The following PRKCA variants were observed in gnomAD, a reference collection of about 807,000 sequenced individuals.
PRKCA encodes the protein protein kinase C alpha type.
In PRKCA, 27 loss-of-function variants were observed where a neutral mutation model predicts 87.0. That is an observed-to-expected ratio of 0.31 (90% CI 0.23 to 0.43). PRKCA has a LOEUF of 0.43. Among genes scored for constraint, PRKCA ranks in the 20% least tolerant of loss-of-function variants. PRKCA has a pLI of 1.00. For synonymous variants in PRKCA, 329 were observed against 311.1 expected (o/e 1.06, Z -0.61); for missense variants, 518 against 852.3 (o/e 0.61, Z 4.88).
intron 3 of PRKCA, among the ~76,000 whole-genome samples, chr17:66,633,885 A>T (rs1971085814): frequency 6.6e-6 from 1 of 152,250 alleles, no homozygotes; most frequent in South Asian, 2.1e-4. Flanking sequence ...TAGCTAGATT[A>T]GTCTCCAGCC....
chr17:66,506,149 A>G (rs1916966310), intron 3 of PRKCA, among the ~76,000 whole-genome samples: 1 of 152,138 alleles, frequency 6.6e-6, no homozygotes, highest in South Asian at 2.1e-4. Flanking sequence ...TACAAAATTT[A>G]GCCAGGCATG....
intron 16 of PRKCA, chr17:66,796,586 A>T (rs1486223172): frequency 1.1e-5 from 11 of 985,266 alleles, no homozygotes; most frequent in Non-Finnish European, 1.3e-5. Context: ...TGTGTTGGTC[A>T]TGCACGTAGC....
At chr17:66,398,518 G>A (rs1016498594) in intron 2 of PRKCA, among the ~76,000 whole-genome samples, 1 of 152,176 alleles carries the variant, frequency 6.6e-6, no homozygotes, top group African/African-American at 2.4e-5. Flanking sequence ...AGTGAGGAAG[G>A]CATTTTGGTG....
chr17:66,678,771 CATTT>C (rs1972407965), intron 5 of PRKCA, among the ~76,000 whole-genome samples: 1 of 151,980 alleles, frequency 6.6e-6, no homozygotes, highest in Non-Finnish European at 1.5e-5. Flanking sequence ...GTTTTAGATA[CATTT>C]ATGCTATTTT....
At chr17:66,660,431 A>C (rs1315995192) in intron 5 of PRKCA, among the ~76,000 whole-genome samples, 1 of 152,100 alleles carries the variant, frequency 6.6e-6, no homozygotes. Context: ...GGTGCCTGGA[A>C]TTTTCCTTGA....
chr17:66,429,007 G>A (rs1326498300), intron 2 of PRKCA, among the ~76,000 whole-genome samples: 1 of 152,212 alleles, frequency 6.6e-6, no homozygotes, highest in Non-Finnish European at 1.5e-5. Context: ...ATTTTTAAAT[G>A]TAGTTGGAAG....
intron 5 of PRKCA, among the ~76,000 whole-genome samples, chr17:66,653,855 C>G (rs1448801093): frequency 1.3e-5 from 2 of 150,212 alleles, no homozygotes; most frequent in Non-Finnish European, 1.5e-5. Flanking sequence ...AAACTACTTC[C>G]TTTAGTTTGT....
chr17:66,590,511 G>A (rs62071748), intron 3 of PRKCA, among the ~76,000 whole-genome samples: 22,964 of 152,142 alleles, frequency 0.15, 2,086 homozygotes, highest in African/African-American at 0.26. Context: ...TCCTCAGAGC[G>A]TGCACGAGGG....
intron 1 of PRKCA, among the ~76,000 whole-genome samples, chr17:66,305,262 G>A (rs112503903): frequency 1.3e-5 from 2 of 152,292 alleles, no homozygotes; most frequent in African/African-American, 4.8e-5. Flanking sequence ...TTTAGAGTTA[G>A]ATATGGTTTT....
chr17:66,580,088 T>C (rs866821178), intron 3 of PRKCA, among the ~76,000 whole-genome samples: 14 of 152,084 alleles, frequency 9.2e-5, no homozygotes, highest in African/African-American at 2.2e-4. Flanking sequence ...GGAGGGAAAA[T>C]AGTTACAAAG....
rs527303503 is a variant in PRKCA, at chr17:66,555,867, G to A, written c.288+59584G>A. ...ATTTAAGATGTGTGGAATCCAAGAA[G>A]TCACAAAAGGTATTTCATGTGTCAT... On this transcript the variant is annotated intron_variant, in intron 3 of 16. Transcript: ENST00000413366. Among the ~76,000 whole-genome samples the A allele has an allele frequency of 1.2e-4, 18 of 152,278 alleles. No homozygotes were observed. The East Asian group carries it at 3.5e-3, about 29-fold the overall frequency.
intron 3 of PRKCA, among the ~76,000 whole-genome samples, chr17:66,501,703 G>A (rs1916738893): frequency 6.6e-6 from 1 of 152,166 alleles, no homozygotes; most frequent in Non-Finnish European, 1.5e-5. Flanking sequence ...AGCATCCGAG[G>A]TTTCATCAGA....
rs551948285 is a variant in PRKCA, at chr17:66,808,533, G to C, written c.*4496G>C. On this transcript the variant is annotated 3_prime_UTR_variant, in exon 17 of 17. Transcript: ENST00000413366. Reference sequence around the variant, plus strand: ...AAGGGTAGGAGTGCCTGTTTCCCCTGCTGGGCACACCAGACAATCGTAATC... The same window carrying C: ...AAGGGTAGGAGTGCCTGTTTCCCCTCCTGGGCACACCAGACAATCGTAATC... 1 of 152,188 alleles carries C rather than the reference G, an allele frequency of 6.6e-6. No homozygotes were observed. Among genetic ancestry groups the C allele is most frequent in the African/African-American group, 2.4e-5 (1 of 41,312 alleles). 9.4% of individuals were successfully genotyped at this position (152,188 alleles called of 1,614,324 possible).
At chr17:66,338,963 G>A (rs1455879424) in intron 2 of PRKCA, among the ~76,000 whole-genome samples, 1 of 152,152 alleles carries the variant, frequency 6.6e-6, no homozygotes, top group Non-Finnish European at 1.5e-5. Context: ...GCCCACACAG[G>A]CCCTAATCTG....
chr17:66,493,463 A>G (rs996859781), intron 2 of PRKCA, among the ~76,000 whole-genome samples: 1 of 151,970 alleles, frequency 6.6e-6, no homozygotes, highest in East Asian at 1.9e-4. Context: ...GGTGTCCAGC[A>G]ACTCTTAGCA....
At chr17:66,778,409 G>A (rs1025376431) in intron 14 of PRKCA, among the ~76,000 whole-genome samples, 3 of 152,268 alleles carry the variant, frequency 2.0e-5, no homozygotes, top group South Asian at 2.1e-4. Flanking sequence ...CCAGCTACTC[G>A]GGAGGCTGAG....
In PRKCA at chr17:66,808,239, C is replaced by G. The variant is rs1976077488; in HGVS notation, c.*4202C>G. ...AGAAGTAAAAACAACTAACACCGCA[C>G]AACTAACAACTAACACCGCAGTTCC... On this transcript the variant is annotated 3_prime_UTR_variant, in exon 17 of 17. Coordinates refer to ENST00000413366, the MANE Select transcript of PRKCA (RefSeq NM_002737.3). 1 of 151,396 alleles carries G rather than the reference C, an allele frequency of 6.6e-6. No homozygotes were observed. The highest frequency in any genetic ancestry group is 2.1e-4 in the South Asian group (1 of 4,806). The allele number at this position is 151,396 out of a possible 1,614,324, so 9.4% of individuals were successfully genotyped here.
intron 3 of PRKCA, among the ~76,000 whole-genome samples, chr17:66,569,475 A>G (rs934370009): frequency 1.3e-5 from 2 of 152,188 alleles, no homozygotes; most frequent in Non-Finnish European, 2.9e-5. Flanking sequence ...AGGCTGAGAC[A>G]GGAGAATCGC....
chr17:66,320,534 C>T (rs553139521), intron 2 of PRKCA, among the ~76,000 whole-genome samples: 1 of 152,086 alleles, frequency 6.6e-6, no homozygotes, highest in African/African-American at 2.4e-5. Flanking sequence ...GTATATTTAG[C>T]TTTCATAATT....
Sources: allele counts gnomAD v4.1 joint callset (sites outside exome capture counted in the v4.1 genomes callset), GRCh38; gene constraint gnomAD v4.1.1; transcripts MANE v1.5; gene names NCBI Gene and HGNC (gene_info 2026-07-23, HGNC 2026-07-21).